XKR4: variants seen among roughly 807,000 people sequenced by gnomAD.
XKR4 encodes XK-related protein 4.
Under a neutral mutation model 53.9 loss-of-function variants are expected in XKR4, and 12 were observed. The observed-to-expected ratio is 0.22, with a 90% CI of 0.14 to 0.36. XKR4 has a LOEUF of 0.36. Among genes scored for constraint, XKR4 ranks in the 10% least tolerant of loss-of-function variants. The pLI, the probability that XKR4 is intolerant of heterozygous loss-of-function variation, is 1.00. For synonymous variants in XKR4, 354 were observed against 362.4 expected (o/e 0.98, Z 0.26); for missense variants, 799 against 859.5 (o/e 0.93, Z 0.88).
Position 55,534,736 on chromosome 8 carries a change from C to T in XKR4, c.*10509C>T, listed in dbSNP as rs1239036438. 6.6e-6 allele frequency: 1 copy of T among 150,558 alleles called. No individual in the cohort carries two copies. Among genetic ancestry groups the T allele is most frequent in the Non-Finnish European group, 1.5e-5 (1 of 67,684 alleles). The allele number at this position is 150,558 out of a possible 1,614,324, so 9.3% of individuals were successfully genotyped here. The stretch of plus-strand genomic sequence containing the variant: ...AAACAGATCATCTCTTAATTTAATA[C>T]ATGGTTCTTTCTCCCTTGCTTCTGG... On this transcript the variant is annotated 3_prime_UTR_variant, in exon 3 of 3. Transcript: ENST00000327381.
In XKR4 at chr8:55,524,403, A is replaced by G; in HGVS notation, c.*176A>G. 1.5e-6 allele frequency: 1 copy of G among 646,434 alleles called. No homozygotes were observed. Among genetic ancestry groups the G allele is most frequent in the South Asian group, 2.0e-5 (1 of 49,512 alleles). The allele number at this position is 646,434 out of a possible 1,614,324, so 40.0% of individuals were successfully genotyped here. ...GGGGCGGCTGGTCTCCTTCCAAAGC[A>G]GCTGCACCCGAGAGTCTCTGACTCC... On this transcript the variant is annotated 3_prime_UTR_variant, in exon 3 of 3. Coordinates refer to ENST00000327381, the MANE Select transcript of XKR4 (RefSeq NM_052898.2).
chr8:55,275,437 T>C (rs1818750650), intron 1 of XKR4, among the ~76,000 whole-genome samples: 1 of 152,206 alleles, frequency 6.6e-6, no homozygotes, highest in Non-Finnish European at 1.5e-5. Context: ...CTTTGACTCC[T>C]CCAAGATACT....
At chr8:55,408,723 C>T (rs991108551) in intron 2 of XKR4, among the ~76,000 whole-genome samples, 1 of 152,140 alleles carries the variant, frequency 6.6e-6, no homozygotes, top group Non-Finnish European at 1.5e-5. Context: ...AAGATGGAGC[C>T]ACAAGCCGGG....
intron 1 of XKR4, among the ~76,000 whole-genome samples, chr8:55,288,122 A>G (rs938398432): frequency 3.3e-5 from 5 of 152,170 alleles, no homozygotes; most frequent in East Asian, 1.9e-4. Flanking sequence ...TCTTCTTCCA[A>G]TGTGGCCCAG....
chr8:55,207,524 G>C (rs1375693381), intron 1 of XKR4, among the ~76,000 whole-genome samples: 1 of 152,114 alleles, frequency 6.6e-6, no homozygotes, highest in East Asian at 1.9e-4. Flanking sequence ...GTCATAGCAG[G>C]GATCTTTATT....
chr8:55,399,599 G>T lies in XKR4; in HGVS notation c.1006+41722G>T, dbSNP rs139720076. On this transcript the variant is annotated intron_variant, in intron 2 of 2. Coordinates refer to ENST00000327381, the MANE Select transcript of XKR4 (RefSeq NM_052898.2). Reference sequence around the variant, plus strand: ...TAGAAACCCTGGGTTCTTAGAATAAGGGCACAGACAGGAATCCAAGTCTGT... The same window carrying T: ...TAGAAACCCTGGGTTCTTAGAATAATGGCACAGACAGGAATCCAAGTCTGT... 2.5e-3 allele frequency among the ~76,000 whole-genome samples: 383 copies of T among 152,304 alleles called. 2 individuals are homozygous for T. The highest frequency in any genetic ancestry group is 8.2e-3 in the African/African-American group (341 of 41,566).
chr8:55,142,198 C>G, intron 1 of XKR4: 2 of 456,076 alleles, frequency 4.4e-6, no homozygotes, highest in South Asian at 3.1e-5. Flanking sequence ...TCCTGCTGAT[C>G]TGCTGGTCAA....
intron 1 of XKR4, among the ~76,000 whole-genome samples, chr8:55,322,393 T>A (rs1803229238): frequency 6.6e-6 from 1 of 152,174 alleles, no homozygotes; most frequent in South Asian, 2.1e-4. Flanking sequence ...TTGTTGAAAA[T>A]TTTCCTGTTT....
At chr8:55,359,126 G>A (rs139983559) in intron 2 of XKR4, among the ~76,000 whole-genome samples, 1 of 152,202 alleles carries the variant, frequency 6.6e-6, no homozygotes, top group Non-Finnish European at 1.5e-5. Context: ...CAGCAAATTG[G>A]AGGAAGAGGA....
At chr8:55,280,973 T>TAAC (rs1246292330) in intron 1 of XKR4, among the ~76,000 whole-genome samples, 1 of 152,234 alleles carries the variant, frequency 6.6e-6, no homozygotes, top group Non-Finnish European at 1.5e-5. Context: ...GTATCTGAAC[T>TAAC]AACAGTTTTG....
chr8:55,137,861 C>A (rs531632239), intron 1 of XKR4, among the ~76,000 whole-genome samples: 7 of 152,042 alleles, frequency 4.6e-5, no homozygotes, highest in African/African-American at 1.7e-4. Context: ...TGTGAGCTTG[C>A]CCTTCACAGA....
chr8:55,482,238 C>T (rs1034489088), intron 2 of XKR4, among the ~76,000 whole-genome samples: 5 of 152,042 alleles, frequency 3.3e-5, no homozygotes, highest in African/African-American at 1.2e-4. Context: ...GAGTTCATGT[C>T]CTTTGTAGGG....
At chr8:55,220,740 G>A (rs1260056322) in intron 1 of XKR4, among the ~76,000 whole-genome samples, 1 of 152,190 alleles carries the variant, frequency 6.6e-6, no homozygotes, top group Admixed American at 6.5e-5. Context: ...CAGAAGCTGA[G>A]CCCTCCATTC....
At chr8:55,285,855 G>A (rs72651889) in intron 1 of XKR4, among the ~76,000 whole-genome samples, 20,363 of 152,218 alleles carry the variant, frequency 0.13, 1,576 homozygotes, top group Non-Finnish European at 0.18. Context: ...CCCCAAAACA[G>A]CCATCCTTGA....
At chr8:55,348,729 G>C (rs1206471851) in intron 1 of XKR4, among the ~76,000 whole-genome samples, 6 of 147,944 alleles carry the variant, frequency 4.1e-5, no homozygotes, top group Non-Finnish European at 8.8e-5. Flanking sequence ...CACAGAGAGA[G>C]AGATGATAGA....
rs1335102368 is a variant in XKR4, at chr8:55,103,044, C to T, written c.556C>T (p.Pro186Ser). ...CACGGCCGCTGCTGCCTCCAGCTGC[C>T]CGCAGCCTGGAGCCGATTGCAAGAC... ...SATAAAASSCPQPGADCKTVV... is the reference protein window; with the variant it reads ...SATAAAASSCSQPGADCKTVV... The change falls in exon 1 of 3, where the codon CCG becomes TCG. Residue 186 changes from proline to serine, a missense_variant. By Grantham distance (74) the Pro-to-Ser change is moderately conservative. Around this residue, in one of 3 missense-constraint regions of XKR4, gnomAD observed 476 missense variants for 505.4 expected, o/e 0.94. Coordinates refer to ENST00000327381, the MANE Select transcript of XKR4 (RefSeq NM_052898.2). The T allele has an allele frequency of 6.2e-7, 1 of 1,612,698 alleles. No homozygotes were observed. The highest frequency in any genetic ancestry group is 1.1e-5 in the South Asian group (1 of 91,032).
chr8:55,190,097 C>T (rs1585928450), intron 1 of XKR4, among the ~76,000 whole-genome samples: 1 of 152,224 alleles, frequency 6.6e-6, no homozygotes, highest in Middle Eastern at 3.4e-3. Flanking sequence ...GTGTTTAAAC[C>T]ATTTTGAGAT....
At position 55,351,747 on chromosome 8, in the gene XKR4, A is replaced by T. The variant is rs187583490; in HGVS notation, c.807-5931A>T. Among the ~76,000 whole-genome samples the T allele has an allele frequency of 3.7e-4, 56 of 152,234 alleles. 1 individual carries two copies. The East Asian group carries it at 0.01, about 27-fold the overall frequency. The stretch of plus-strand genomic sequence containing the variant: ...CTGATCAAAGCCAGCATCTTTTCTC[A>T]CCTGGATTATTGCACTAGTCTTCCG... On this transcript the variant is annotated intron_variant, in intron 1 of 2. Coordinates refer to ENST00000327381, the MANE Select transcript of XKR4 (RefSeq NM_052898.2).
chr8:55,510,991 A>C (rs1158989197), intron 2 of XKR4, among the ~76,000 whole-genome samples: 1 of 152,212 alleles, frequency 6.6e-6, no homozygotes, highest in Admixed American at 6.5e-5. Context: ...CCATGTCCTC[A>C]GGGTATTGAG....
Sources: allele counts gnomAD v4.1 joint callset (sites outside exome capture counted in the v4.1 genomes callset), GRCh38; gene constraint gnomAD v4.1.1; regional missense constraint gnomAD v4.1.1; transcripts MANE v1.5; gene names NCBI Gene and HGNC (gene_info 2026-07-23, HGNC 2026-07-21).